The following ALG1L2 variants were observed in gnomAD, a reference collection of about 807,000 sequenced individuals.
The protein encoded by ALG1L2 is ALG1 chitobiosyldiphosphodolichol beta-mannosyltransferase like 2.
Under a neutral mutation model 29.0 loss-of-function variants are expected in ALG1L2, and 32 were observed. The observed-to-expected ratio is 1.10, with a 90% CI of 0.83 to 1.48. ALG1L2 has a LOEUF of 1.48. ALG1L2 is among the 40% of genes most tolerant of loss of function. ALG1L2 has a pLI of 0.00. For missense variants in ALG1L2, 318 were observed against 274.1 expected (o/e 1.16, Z -1.13); for synonymous variants, 110 against 109.5 (o/e 1.00, Z -0.03).
At chr3:130,097,154 C>G (rs748147355) in intron 6 of ALG1L2, 21 bp from the exon 7 acceptor site, 2 of 1,611,782 alleles carry the variant, frequency 1.2e-6, no homozygotes, top group Non-Finnish European at 8.5e-7. Flanking sequence ...AACTCTCGGG[C>G]TCCTTTTGTT....
At chr3:130,082,060 T>G in intron 1 of ALG1L2, 24 bp downstream of exon 1, 2 of 1,495,348 alleles carry the variant, frequency 1.3e-6, no homozygotes, top group South Asian at 2.4e-5. Context: ...TGGTGCTGGT[T>G]GGATTGCAAT....
rs772873842 is a variant in ALG1L2 at position 130,091,345 on chromosome 3, C to T, written c.105C>T (p.Gly35=). The T allele has an allele frequency of 1.3e-6, 2 of 1,597,506 alleles. No homozygotes were observed. Among genetic ancestry groups the T allele is most frequent in the Non-Finnish European group, 1.7e-6 (2 of 1,179,758 alleles). The change falls in exon 2 of 8, where the codon GGC becomes GGT. Residue 35 remains glycine (G), a synonymous_variant. Transcript: ENST00000425059. ...DLQHRLFMKL[G]STHSPFRARS... ...AGCACCGGCTCTTCATGAAGCTGGG[C>T]AGCACGCACTCTCCGTTCAGGGCCC...
At chr3:130,096,552 T>A (rs1166995749) in intron 6 of ALG1L2, among the ~76,000 whole-genome samples, 2 of 152,194 alleles carry the variant, frequency 1.3e-5, no homozygotes, top group Non-Finnish European at 2.9e-5. Context: ...TGTTTCTTTC[T>A]CTCCCACCAT....
In ALG1L2 at chr3:130,098,362, T is replaced by C; in HGVS notation, c.*107T>C. ...TGTGCTCCCTTTGGTTATGGACACA[T>C]AACTCCTGGGCCAGAGGCTAAAACC... On this transcript the variant is annotated 3_prime_UTR_variant, in exon 8 of 8. Coordinates refer to ENST00000425059, the MANE Select transcript of ALG1L2 (RefSeq NM_001136152.1). 2 of 1,596,260 alleles carry C rather than the reference T, an allele frequency of 1.3e-6. No homozygotes were observed. Among genetic ancestry groups the C allele is most frequent in the Non-Finnish European group, 1.7e-6 (2 of 1,179,654 alleles).
rs577926246 is a variant in ALG1L2, at chr3:130,088,581, C to T, written c.21-2680C>T. On this transcript the variant is annotated intron_variant, in intron 1 of 7. Coordinates refer to ENST00000425059, the MANE Select transcript of ALG1L2 (RefSeq NM_001136152.1). ...AACAGGCATGAGCCATTACGCCTGG[C>T]TAATTTTTGTATTTTTATTAGAGAT... Among the ~76,000 whole-genome samples the T allele has an allele frequency of 3.3e-5, 5 of 152,376 alleles. No homozygotes were observed. In the East Asian group the frequency reaches 5.8e-4, roughly 18 times the overall value.
At chr3:130,087,512 G>A (rs1225905952) in intron 1 of ALG1L2, among the ~76,000 whole-genome samples, 10 of 149,422 alleles carry the variant, frequency 6.7e-5, no homozygotes, top group African/African-American at 1.7e-4. Context: ...TTAGAAAACC[G>A]TATTGTAGCA....
intron 4 of ALG1L2, 75 bp downstream of exon 4, chr3:130,093,235 T>C: frequency 6.6e-7 from 1 of 1,515,712 alleles, no homozygotes; most frequent in Non-Finnish European, 9.1e-7. Context: ...CTTTACCCTG[T>C]GCTTCCCACG....
At chr3:130,084,082 A>C (rs1289656185) in intron 1 of ALG1L2, among the ~76,000 whole-genome samples, 2 of 150,650 alleles carry the variant, frequency 1.3e-5, no homozygotes. Flanking sequence ...GCAGCAATTC[A>C]TCAGCACAGA....
intron 1 of ALG1L2, among the ~76,000 whole-genome samples, chr3:130,086,796 C>G (rs1430746383): frequency 1.3e-5 from 2 of 149,280 alleles, no homozygotes; most frequent in African/African-American, 4.8e-5. Flanking sequence ...AATGAAAGAC[C>G]TGTCTACCAC....
At chr3:130,091,644 C>A in intron 2 of ALG1L2, 3 of 566,462 alleles carry the variant, frequency 5.3e-6, no homozygotes, top group Admixed American at 5.9e-5. Context: ...ACTCTCTGAC[C>A]CTTTAAGGAA....
At chr3:130,096,265 C>T in intron 6 of ALG1L2, 102 bp downstream of exon 6, 10 of 1,372,406 alleles carry the variant, frequency 7.3e-6, no homozygotes, top group African/African-American at 1.4e-5. Context: ...CCCTGCCCCT[C>T]GGTCAGTCCA....
chr3:130,090,251 G>T (rs973403125), intron 1 of ALG1L2, among the ~76,000 whole-genome samples: 3 of 152,302 alleles, frequency 2.0e-5, no homozygotes, highest in African/African-American at 7.2e-5. Flanking sequence ...AGCTACTCCG[G>T]AGGCTGAGGC....
At chr3:130,087,997 G>A (rs1031867288) in intron 1 of ALG1L2, among the ~76,000 whole-genome samples, 3 of 152,310 alleles carry the variant, frequency 2.0e-5, no homozygotes, top group Non-Finnish European at 4.4e-5. Flanking sequence ...GTGTCATTGG[G>A]TTGACAGGAA....
intron 5 of ALG1L2, among the ~76,000 whole-genome samples, 160 bp from the exon 6 acceptor site, chr3:130,095,889 C>T (rs567190221): frequency 9.2e-4 from 140 of 152,350 alleles, no homozygotes; most frequent in African/African-American, 2.3e-3. Flanking sequence ...CCAGCCAGGC[C>T]GTGTGGCTGC....
intron 1 of ALG1L2, among the ~76,000 whole-genome samples, chr3:130,085,500 G>A (rs1454074694): frequency 7.2e-5 from 10 of 138,054 alleles, no homozygotes; most frequent in African/African-American, 2.5e-4. Context: ...GCCTCCCAAA[G>A]TGCTAGGGTT....
At chr3:130,096,793 G>T (rs1187162111) in intron 6 of ALG1L2, among the ~76,000 whole-genome samples, 7 of 152,222 alleles carry the variant, frequency 4.6e-5, no homozygotes, top group Non-Finnish European at 7.3e-5. Context: ...GGAATGTCGG[G>T]ATCAAATCTG....
intron 5 of ALG1L2, 64 bp downstream of exon 5, chr3:130,094,577 C>CTTTTTGCTGGGGCAAGGGGGGGGGGG: frequency 3.5e-6 from 1 of 286,992 alleles, no homozygotes. Flanking sequence ...CAGGGGTGGG[C>CTTTTTGCTGGGGCAAGGGGGGGGGGG]GGGGTGTACC....
intron 1 of ALG1L2, among the ~76,000 whole-genome samples, chr3:130,088,301 TG>T (rs1408916970): frequency 1.3e-5 from 2 of 152,312 alleles, no homozygotes; most frequent in East Asian, 3.8e-4. Context: ...AATCTCTAAT[TG>T]TAGTTCCCAT....
rs763190838 is a variant in ALG1L2 at position 130,098,295 on chromosome 3, G to A, written c.*40G>A. ...TAAACCAGTTCCGGAAGAACCTGCG[G>A]GAGTCGCAGCAGCTCTGATGGGATG... On this transcript the variant is annotated 3_prime_UTR_variant, in exon 8 of 8. Coordinates refer to ENST00000425059, the MANE Select transcript of ALG1L2 (RefSeq NM_001136152.1). 4.4e-6 allele frequency: 7 copies of A among 1,596,410 alleles called. No homozygotes were observed. Among genetic ancestry groups the A allele is most frequent in the Non-Finnish European group, 5.9e-6 (7 of 1,179,770 alleles).
Sources: allele counts gnomAD v4.1 joint callset (sites outside exome capture counted in the v4.1 genomes callset), GRCh38; gene constraint gnomAD v4.1.1; transcripts MANE v1.5; gene names NCBI Gene and HGNC (gene_info 2026-07-23, HGNC 2026-07-21).